The following KCNIP4 variants were observed in gnomAD, a reference collection of about 807,000 sequenced individuals.
The protein encoded by KCNIP4 is Kv channel-interacting protein 4.
In KCNIP4, 12 loss-of-function variants were observed where a neutral mutation model predicts 34.0. That is an observed-to-expected ratio of 0.35 (90% CI 0.23 to 0.57). The LOEUF is 0.57. Among genes scored for constraint, KCNIP4 ranks in the 20% least tolerant of loss-of-function variants. KCNIP4 has a pLI of 0.83. For missense variants in KCNIP4, 238 were observed against 311.7 expected (o/e 0.76, Z 1.78); for synonymous variants, 124 against 102.2 (o/e 1.21, Z -1.29).
intron 1 of KCNIP4, among the ~76,000 whole-genome samples, chr4:21,487,232 T>A (rs1473864165): frequency 6.6e-6 from 1 of 152,176 alleles, no homozygotes; most frequent in Non-Finnish European, 1.5e-5. Context: ...TTTCTCAGAC[T>A]TTTTTTGTTT....
intron 1 of KCNIP4, among the ~76,000 whole-genome samples, chr4:21,192,949 C>CTAA (rs59595411): frequency 0.01 from 1,465 of 144,532 alleles, 13 homozygotes; most frequent in East Asian, 0.034. Flanking sequence ...ACTACTACTA[C>CTAA]TACTAATAAT....
chr4:21,813,375 CCAA>C (rs1721780087), intron 1 of KCNIP4, among the ~76,000 whole-genome samples: 1 of 152,220 alleles, frequency 6.6e-6, no homozygotes, highest in African/African-American at 2.4e-5. Flanking sequence ...TTTCCTGCTA[CCAA>C]CAACACAGAG....
chr4:21,294,621 TCC>T (rs1763733269), intron 1 of KCNIP4, among the ~76,000 whole-genome samples: 1 of 152,056 alleles, frequency 6.6e-6, no homozygotes, highest in Non-Finnish European at 1.5e-5. Flanking sequence ...AATGGTGAGG[TCC>T]TCACCTAGAA....
intron 1 of KCNIP4, among the ~76,000 whole-genome samples, chr4:21,389,001 T>G (rs1159288442): frequency 6.6e-6 from 1 of 151,990 alleles, no homozygotes; most frequent in Non-Finnish European, 1.5e-5. Context: ...TTTTTTTTCT[T>G]TGAGACAGAA....
At chr4:21,636,419 G>A (rs1307006024) in intron 1 of KCNIP4, among the ~76,000 whole-genome samples, 1 of 152,044 alleles carries the variant, frequency 6.6e-6, no homozygotes, top group Non-Finnish European at 1.5e-5. Context: ...TGAAAATCTT[G>A]AAAGAAATGA....
At chr4:20,925,745 G>C (rs970416032) in intron 1 of KCNIP4, among the ~76,000 whole-genome samples, 2 of 152,062 alleles carry the variant, frequency 1.3e-5, no homozygotes, top group African/African-American at 4.8e-5. Flanking sequence ...ACATGCCTAT[G>C]ATTTATTACA....
At chr4:21,507,967 A>C (rs969510971) in intron 1 of KCNIP4, among the ~76,000 whole-genome samples, 6 of 152,116 alleles carry the variant, frequency 3.9e-5, no homozygotes, top group Admixed American at 6.5e-5. Context: ...CATCTGATGG[A>C]ATCTCTTTTT....
At position 21,133,239 on chromosome 4, in the gene KCNIP4, C is replaced by A. The variant is rs116345210; in HGVS notation, c.62-250530G>T. 6.0e-3 allele frequency among the ~76,000 whole-genome samples: 910 copies of A among 152,280 alleles called. 13 individuals are homozygous for A. Among genetic ancestry groups the A allele is most frequent in the African/African-American group, 0.021 (864 of 41,554 alleles). On this transcript the variant is annotated intron_variant, in intron 1 of 8. Transcript: ENST00000382152. ...CAATCAAAAGTTGCCTACTTCCTCA[C>A]ATACACAATGTTAATGCTTTATTTT...
At chr4:20,753,926 AT>A (rs1754071565) in intron 4 of KCNIP4, among the ~76,000 whole-genome samples, 2 of 152,100 alleles carry the variant, frequency 1.3e-5, no homozygotes, top group African/African-American at 2.4e-5. Context: ...TCATTCATTC[AT>A]TCATTCATTC....
chr4:21,156,077 TATTG>T (rs761240871), intron 1 of KCNIP4, among the ~76,000 whole-genome samples: 11 of 152,280 alleles, frequency 7.2e-5, no homozygotes, highest in East Asian at 5.8e-4. Context: ...CAGGTCAATA[TATTG>T]ATTAAGTAAT....
At chr4:21,356,254 C>G (rs751846267) in intron 1 of KCNIP4, among the ~76,000 whole-genome samples, 14 of 152,114 alleles carry the variant, frequency 9.2e-5, no homozygotes, top group Admixed American at 5.9e-4. Context: ...CCTTTGAAAA[C>G]CAGCATAAGA....
intron 1 of KCNIP4, among the ~76,000 whole-genome samples, chr4:20,969,447 A>T (rs1313433107): frequency 6.6e-6 from 1 of 152,198 alleles, no homozygotes; most frequent in Non-Finnish European, 1.5e-5. Flanking sequence ...CCTAATCAAT[A>T]GCCTGTCCTG....
At chr4:20,783,398 G>C (rs1354183447) in intron 3 of KCNIP4, among the ~76,000 whole-genome samples, 1 of 152,146 alleles carries the variant, frequency 6.6e-6, no homozygotes, top group Non-Finnish European at 1.5e-5. Flanking sequence ...AAGAAAAAGA[G>C]GTTTAGTTGG....
Position 21,737,363 on chromosome 4 carries a change from G to GTT in KCNIP4, c.61+211206_61+211207dup, listed in dbSNP as rs113512144. On this transcript the variant is annotated intron_variant, in intron 1 of 8. Coordinates refer to ENST00000382152, the MANE Select transcript of KCNIP4 (RefSeq NM_025221.6). ...CTTACCTCTCAAATACTCTTTCTGG[G>GTT]TTTTTTTTTAATGGCCCAAAATATG... 2.9e-3 allele frequency among the ~76,000 whole-genome samples: 434 copies of GTT among 150,082 alleles called. 2 individuals are homozygous for GTT. The highest frequency in any genetic ancestry group is 9.8e-3 in the African/African-American group (400 of 40,978).
chr4:21,343,689 C>T (rs1716990914), intron 1 of KCNIP4, among the ~76,000 whole-genome samples: 2 of 152,190 alleles, frequency 1.3e-5, no homozygotes, highest in South Asian at 2.1e-4. Context: ...TGTACACTTT[C>T]TAACTTCACC....
chr4:21,300,972 G>C (rs1711599652), intron 1 of KCNIP4, among the ~76,000 whole-genome samples: 1 of 152,118 alleles, frequency 6.6e-6, no homozygotes, highest in East Asian at 1.9e-4. Flanking sequence ...GAGAGTAGCA[G>C]AGGAGGCATA....
intron 3 of KCNIP4, among the ~76,000 whole-genome samples, chr4:20,776,449 CT>C (rs1304333419): frequency 6.6e-6 from 1 of 152,072 alleles, no homozygotes; most frequent in Non-Finnish European, 1.5e-5. Context: ...GTGGTTTATT[CT>C]CTGTACAACC....
At chr4:21,071,099 G>C (rs895611131) in intron 1 of KCNIP4, among the ~76,000 whole-genome samples, 1 of 152,054 alleles carries the variant, frequency 6.6e-6, no homozygotes, top group Non-Finnish European at 1.5e-5. Context: ...AAAGAGCAAA[G>C]GTTGTTTAAT....
intron 1 of KCNIP4, among the ~76,000 whole-genome samples, chr4:20,891,129 T>C (rs1199222969): frequency 6.6e-6 from 1 of 152,208 alleles, no homozygotes; most frequent in Admixed American, 6.5e-5. Context: ...CTATTTCTCA[T>C]GGGTTAGCTT....
Sources: gnomAD v4.1 joint callset for allele counts (sites outside exome capture counted in the v4.1 genomes callset) on GRCh38, gnomAD v4.1.1 for gene constraint, MANE v1.5 for transcripts, NCBI Gene and HGNC (gene_info 2026-07-23, HGNC 2026-07-21) for gene names.